Variants in ARK2N observed in about 807,000 individuals in gnomAD.
ARK2N encodes the protein arkadia (RNF111) N-terminal like PKA signaling regulator 2N.
At chr18:46,186,882 T>G in the ARK2N span, among the ~76,000 whole-genome samples, 1 of 149,404 alleles carries the variant, frequency 6.7e-6, no homozygotes, top group South Asian at 2.1e-4. Context: ...TAGATGGAGT[T>G]TCTCTCTTGT....
chr18:46,174,388 G>A, the ARK2N span: 1 of 152,560 alleles, frequency 6.6e-6, no homozygotes, highest in Non-Finnish European at 1.5e-5. Flanking sequence ...TGGGGGGCCC[G>A]GGTTGCGTCC....
At chr18:46,208,367 T>G in the ARK2N span, among the ~76,000 whole-genome samples, 4 of 152,108 alleles carry the variant, frequency 2.6e-5, no homozygotes, top group Non-Finnish European at 4.4e-5. Flanking sequence ...CCTTTTTTCG[T>G]GATAATATTT....
chr18:46,261,598 G>A, the ARK2N span, among the ~76,000 whole-genome samples: 1 of 152,102 alleles, frequency 6.6e-6, no homozygotes, highest in Admixed American at 6.5e-5. Flanking sequence ...TTAGACATTG[G>A]GCTTTATGTC....
the ARK2N span, chr18:46,264,045 T>C: frequency 1.3e-5 from 2 of 152,372 alleles, no homozygotes; most frequent in African/African-American, 4.8e-5. Context: ...ATAGCTGGTC[T>C]CTGTATAAAG....
the ARK2N span, among the ~76,000 whole-genome samples, chr18:46,200,817 GT>G: frequency 6.6e-6 from 1 of 151,982 alleles, no homozygotes; most frequent in Non-Finnish European, 1.5e-5. Context: ...TAATGCAGCA[GT>G]TATTTGAGAA....
the ARK2N span, among the ~76,000 whole-genome samples, chr18:46,234,435 G>A: frequency 3.6e-4 from 55 of 152,290 alleles, no homozygotes; most frequent in Non-Finnish European, 6.5e-4. Context: ...CAGATCTCAA[G>A]TGATCCACCC....
At chr18:46,226,171 G>A in the ARK2N span, among the ~76,000 whole-genome samples, 7 of 152,084 alleles carry the variant, frequency 4.6e-5, no homozygotes, top group East Asian at 1.9e-4. Flanking sequence ...ATTATATTCC[G>A]TATTACTTGT....
the ARK2N span, among the ~76,000 whole-genome samples, chr18:46,224,402 A>C: frequency 1.3e-5 from 2 of 152,200 alleles, no homozygotes; most frequent in South Asian, 2.1e-4. Context: ...CTTTTGTGTG[A>C]TAAGAATCAT....
At chr18:46,238,588 A>AT in the ARK2N span, among the ~76,000 whole-genome samples, 1 of 152,196 alleles carries the variant, frequency 6.6e-6, no homozygotes, top group African/African-American at 2.4e-5. Flanking sequence ...TCTGGAAATT[A>AT]TTTTTAAGTA....
the ARK2N span, among the ~76,000 whole-genome samples, chr18:46,225,306 T>C: frequency 3.9e-5 from 6 of 152,340 alleles, no homozygotes; most frequent in African/African-American, 1.4e-4. Flanking sequence ...TTCCCAAAGA[T>C]GTATAATTGC....
the ARK2N span, among the ~76,000 whole-genome samples, chr18:46,204,929 C>CTTT: frequency 3.4e-5 from 5 of 145,702 alleles, no homozygotes; most frequent in South Asian, 2.1e-4. Context: ...TTTCTTTTTT[C>CTTT]TTTTTTTTTT....
the ARK2N span, among the ~76,000 whole-genome samples, chr18:46,235,409 T>C: frequency 6.6e-6 from 1 of 152,184 alleles, no homozygotes; most frequent in South Asian, 2.1e-4. Context: ...AGAGTATACA[T>C]GCAAAAGTAA....
the ARK2N span, among the ~76,000 whole-genome samples, chr18:46,237,882 G>A: frequency 6.6e-6 from 1 of 152,306 alleles, no homozygotes; most frequent in South Asian, 2.1e-4. Flanking sequence ...AAAAATGACA[G>A]TGATCATAAT....
At chr18:46,191,723 C>T in the ARK2N span, among the ~76,000 whole-genome samples, 5 of 152,096 alleles carry the variant, frequency 3.3e-5, no homozygotes, top group Admixed American at 6.6e-5. Context: ...TGGTGTTGTA[C>T]ATTGTAGGGG....
the ARK2N span, chr18:46,216,512 T>C: frequency 4.3e-6 from 7 of 1,614,180 alleles, no homozygotes; most frequent in South Asian, 6.6e-5. This position sits in a 1 kb window ranked among gnomAD's most constrained non-coding sequence, Gnocchi z 4.3. Context: ...GATAGTGACC[T>C]GACTTGTGAC....
chr18:46,198,691 C>T, the ARK2N span, among the ~76,000 whole-genome samples: 13 of 152,076 alleles, frequency 8.5e-5, no homozygotes, highest in Admixed American at 1.3e-4. Context: ...CTCCACCTCC[C>T]GGGTTCAAGT....
the ARK2N span, among the ~76,000 whole-genome samples, chr18:46,224,804 G>A: frequency 6.6e-6 from 1 of 152,196 alleles, no homozygotes; most frequent in Non-Finnish European, 1.5e-5. Flanking sequence ...CACTGCCTAT[G>A]AATGCTGGAT....
At chr18:46,257,690 G>A in the ARK2N span, among the ~76,000 whole-genome samples, 1 of 150,994 alleles carries the variant, frequency 6.6e-6, no homozygotes, top group Non-Finnish European at 1.5e-5. Context: ...CGTTGGTCCT[G>A]TTATTTTTTC....
chr18:46,213,846 G>A, the ARK2N span, among the ~76,000 whole-genome samples: 4 of 151,898 alleles, frequency 2.6e-5, no homozygotes, highest in African/African-American at 7.3e-5. Context: ...ACAGGCGCTC[G>A]CCACCATGCC....
Sources: gnomAD v4.1 joint callset for allele counts (sites outside exome capture counted in the v4.1 genomes callset) on GRCh38, gnomAD v4.1.1 for gene constraint, Gnocchi (gnomAD v3.1) non-coding constraint, MANE v1.5 for transcripts, NCBI Gene and HGNC (gene_info 2026-07-23, HGNC 2026-07-21) for gene names.